Variants in UBE2E2 observed in about 807,000 individuals in gnomAD.
The protein encoded by UBE2E2 is ubiquitin-conjugating enzyme E2 E2.
UBE2E2 carries 6 observed loss-of-function variants against 24.7 expected under a neutral mutation model. The ratio of observed to expected loss-of-function variants is 0.24; its 90% CI spans 0.13 to 0.48. The LOEUF (loss-of-function observed/expected upper bound fraction) is 0.48, where lower values mean the gene tolerates loss of function less well. Among genes scored for constraint, UBE2E2 ranks in the 20% least tolerant of loss-of-function variants. The pLI is 0.99. For missense variants in UBE2E2, 169 were observed against 245.0 expected, an observed-to-expected ratio of 0.69 and a Z score of 2.07; for synonymous variants, 104 against 83.6, an observed-to-expected ratio of 1.24 and a Z score of -1.33.
intron 3 of UBE2E2, among the ~76,000 whole-genome samples, chr3:23,469,271 C>T (rs1230610536): frequency 6.6e-6 from 1 of 152,182 alleles, no homozygotes; most frequent in Non-Finnish European, 1.5e-5. Flanking sequence ...TTGTGGGGGA[C>T]ACAAACATTC....
chr3:23,449,026 C>T (rs1244801161), intron 3 of UBE2E2, among the ~76,000 whole-genome samples: 1 of 152,138 alleles, frequency 6.6e-6, no homozygotes, highest in East Asian at 1.9e-4. Flanking sequence ...TATTGAATTG[C>T]CCTCTTACCT....
chr3:23,579,628 A>T (rs1414487811), intron 5 of UBE2E2, among the ~76,000 whole-genome samples: 1 of 151,856 alleles, frequency 6.6e-6, no homozygotes, highest in South Asian at 2.1e-4. Context: ...TGAGCCCAGG[A>T]TCGCGAAGTT....
At chr3:23,422,633 A>C (rs753165293) in intron 3 of UBE2E2, among the ~76,000 whole-genome samples, 3 of 152,216 alleles carry the variant, frequency 2.0e-5, no homozygotes, top group Non-Finnish European at 4.4e-5. Flanking sequence ...AGCTGCTTTA[A>C]ATACTTGTGG....
chr3:23,256,856 C>G (rs1697737612), intron 3 of UBE2E2, among the ~76,000 whole-genome samples: 1 of 152,194 alleles, frequency 6.6e-6, no homozygotes, highest in Non-Finnish European at 1.5e-5. Flanking sequence ...ATTTTCTTCT[C>G]CCTGAGGTTG....
chr3:23,554,050 A>G (rs1475429681), intron 5 of UBE2E2, among the ~76,000 whole-genome samples: 1 of 152,146 alleles, frequency 6.6e-6, no homozygotes, highest in Non-Finnish European at 1.5e-5. Flanking sequence ...AAAAAATCCT[A>G]AAACTTACCA....
intron 5 of UBE2E2, among the ~76,000 whole-genome samples, chr3:23,569,913 G>C (rs1448280921): frequency 6.6e-6 from 1 of 152,136 alleles, no homozygotes; most frequent in Non-Finnish European, 1.5e-5. Context: ...CTCAAGGGGC[G>C]TTAATTTTGA....
Position 23,341,052 on chromosome 3 carries a change from C to A in UBE2E2, c.227+123740C>A, listed in dbSNP as rs577367638. ...AATGATGAATGTTTCTTTTGAAATG[C>A]AGACCATGGTTCCAAGAAGTTTATG... On this transcript the variant is annotated intron_variant, in intron 3 of 5. Transcript: ENST00000396703. Among the ~76,000 whole-genome samples the A allele has an allele frequency of 7.9e-5, 12 of 152,278 alleles. 1 individual carries two copies. The South Asian group carries it at 2.5e-3, about 32-fold the overall frequency.
At chr3:23,510,158 G>T (rs1464921612) in intron 4 of UBE2E2, among the ~76,000 whole-genome samples, 1 of 152,162 alleles carries the variant, frequency 6.6e-6, no homozygotes, top group African/African-American at 2.4e-5. Context: ...TTCCTAGTTT[G>T]CAGCTGTCCA....
Position 23,291,041 on chromosome 3 carries a change from C to CACAGCT in UBE2E2, c.227+73729_227+73730insACAGCT, listed in dbSNP as rs536587356. The stretch of plus-strand genomic sequence containing the variant: ...CTATGAACAATGCACTGCCCTCCAG[C>CACAGCT]CTGGGAGACAGAGCAAGACCCTGTC... On this transcript the variant is annotated intron_variant, in intron 3 of 5. Transcript: ENST00000396703. 7.5e-5 allele frequency among the ~76,000 whole-genome samples: 11 copies of CACAGCT among 147,054 alleles called. No homozygotes were observed. In the South Asian group the frequency reaches 2.4e-3, roughly 32 times the overall value.
At chr3:23,466,543 A>G (rs561607750) in intron 3 of UBE2E2, among the ~76,000 whole-genome samples, 55 of 150,960 alleles carry the variant, frequency 3.6e-4, no homozygotes, top group Non-Finnish European at 6.1e-4. Flanking sequence ...GAGTAGTCCC[A>G]GAGTCTGTTT....
upstream of UBE2E2, chr3:23,203,139 C>T (rs934142859): frequency 2.5e-5 from 25 of 984,474 alleles, no homozygotes; most frequent in Admixed American, 6.2e-5. Context: ...CGGGCGGCGG[C>T]GGCTCCCGGA....
chr3:23,392,073 A>C lies in UBE2E2; in HGVS notation c.228-107535A>C, dbSNP rs76683849. Among the ~76,000 whole-genome samples the C allele has an allele frequency of 6.5e-4, 99 of 152,286 alleles. 5 individuals carry two copies. In the East Asian group the frequency reaches 0.016, roughly 24 times the overall value. On this transcript the variant is annotated intron_variant, in intron 3 of 5. Transcript: ENST00000396703. ...ATGGTTTATCATGTTTTAATACCCA[A>C]GTATTGGGTATTAGAAGAATTGAAA...
intron 3 of UBE2E2, among the ~76,000 whole-genome samples, chr3:23,297,517 T>C (rs906797122): frequency 2.0e-5 from 3 of 152,254 alleles, no homozygotes; most frequent in African/African-American, 7.2e-5. Flanking sequence ...CAGTTTCAGC[T>C]TTCTACCTAT....
intron 3 of UBE2E2, among the ~76,000 whole-genome samples, chr3:23,468,538 T>C (rs1006761555): frequency 2.4e-4 from 37 of 152,314 alleles, no homozygotes; most frequent in Admixed American, 1.8e-3. Flanking sequence ...CAATACTAAC[T>C]ACCCAGTAAT....
intron 3 of UBE2E2, among the ~76,000 whole-genome samples, chr3:23,350,293 G>A (rs1695703073): frequency 6.6e-6 from 1 of 152,176 alleles, no homozygotes. Flanking sequence ...GGAGAAAACA[G>A]AGCAGAAAAA....
chr3:23,272,262 A>C (rs1698264170), intron 3 of UBE2E2, among the ~76,000 whole-genome samples: 1 of 152,264 alleles, frequency 6.6e-6, no homozygotes, highest in African/African-American at 2.4e-5. Context: ...CTGGGTGCTA[A>C]GTCCCTCACT....
intron 3 of UBE2E2, among the ~76,000 whole-genome samples, chr3:23,220,273 C>T (rs1407020958): frequency 6.6e-6 from 1 of 151,940 alleles, no homozygotes; most frequent in East Asian, 1.9e-4. Flanking sequence ...GAGATATTTG[C>T]CTCTACATAT....
At chr3:23,374,362 A>G (rs1325031728) in intron 3 of UBE2E2, among the ~76,000 whole-genome samples, 1 of 152,222 alleles carries the variant, frequency 6.6e-6, no homozygotes, top group Admixed American at 6.5e-5. Flanking sequence ...TATGTAAATT[A>G]TTCTTCAAAT....
intron 3 of UBE2E2, among the ~76,000 whole-genome samples, chr3:23,426,798 A>G (rs1575621539): frequency 6.6e-6 from 1 of 152,204 alleles, no homozygotes; most frequent in Admixed American, 6.5e-5. Flanking sequence ...CCATTAAAAA[A>G]GGAAGAACAT....
Sources: allele counts gnomAD v4.1 joint callset (sites outside exome capture counted in the v4.1 genomes callset), GRCh38; gene constraint gnomAD v4.1.1; transcripts MANE v1.5; gene names NCBI Gene and HGNC (gene_info 2026-07-23, HGNC 2026-07-21).